Variants in JMJD1C observed in about 807,000 individuals in gnomAD.
JMJD1C encodes jumonji domain-containing protein 1C.
Under a neutral mutation model 245.3 loss-of-function variants are expected in JMJD1C, and 31 were observed. That is an observed-to-expected ratio of 0.13 (90% CI 0.09 to 0.17). The LOEUF is 0.17. Among genes scored for constraint, JMJD1C ranks in the 10% least tolerant of loss-of-function variants. The probability of loss-of-function intolerance (pLI) is 1.00; values close to 1 mark genes in which losing one functional copy is unlikely to be tolerated. For synonymous variants in JMJD1C, 1,057 were observed against 1,017.4 expected, an observed-to-expected ratio of 1.04 and a Z score of -0.74; for missense variants, 2,691 against 3,000.2, an observed-to-expected ratio of 0.90 and a Z score of 2.41.
intron 18 of JMJD1C, 89 bp downstream of exon 18, chr10:63,189,079 C>G: frequency 6.3e-6 from 7 of 1,104,538 alleles, no homozygotes; most frequent in Non-Finnish European, 8.8e-6. Context: ...ATTTTTCCCC[C>G]CTCCATTTCT....
At chr10:63,318,748 A>T (rs1161532854) in intron 2 of JMJD1C, among the ~76,000 whole-genome samples, 2 of 152,092 alleles carry the variant, frequency 1.3e-5, no homozygotes, top group African/African-American at 4.8e-5. Context: ...CAGGGTTAAT[A>T]TGGACATATT....
chr10:63,500,748 G>GATGGATGA (rs140855985), intron 1 of JMJD1C, among the ~76,000 whole-genome samples: 52,468 of 139,328 alleles, frequency 0.38, 9,932 homozygotes, highest in South Asian at 0.48. Context: ...TGGATGGAAG[G>GATGGATGA]ATGGATGGAT....
intron 1 of JMJD1C, among the ~76,000 whole-genome samples, chr10:63,395,651 A>C (rs939816295): frequency 6.6e-6 from 1 of 152,234 alleles, no homozygotes; most frequent in Admixed American, 6.5e-5. Context: ...AAACCTGTAC[A>C]TGAATGTTTA....
chr10:63,223,438 G>C (rs1230086772), intron 3 of JMJD1C, among the ~76,000 whole-genome samples: 2 of 151,982 alleles, frequency 1.3e-5, no homozygotes, highest in Non-Finnish European at 2.9e-5. Flanking sequence ...ATGTTGACCA[G>C]GCTGGTCTCA....
chr10:63,473,253 C>CTT (rs11399465), intron 1 of JMJD1C, among the ~76,000 whole-genome samples: 5 of 149,076 alleles, frequency 3.4e-5, no homozygotes, highest in African/African-American at 9.8e-5. Flanking sequence ...GTTAAAAAAA[C>CTT]TTTTTTTTTT....
chr10:63,218,074 G>C (rs1848197453), intron 4 of JMJD1C, among the ~76,000 whole-genome samples: 1 of 151,944 alleles, frequency 6.6e-6, no homozygotes. Context: ...CTTTAACAAA[G>C]AACTGTAAGG....
In JMJD1C at chr10:63,465,483, TGA is replaced by T. The variant is rs1371654877; in HGVS notation, c.168+10_168+11del. 1.3e-6 allele frequency: 2 copies of T among 1,590,056 alleles called. No individual in the cohort carries two copies. Among genetic ancestry groups the T allele is most frequent in the East Asian group, 2.3e-5 (1 of 44,308 alleles). ...GCGCGGCAGGGGAAAAGGGGGGCGC[TGA>T]CTCTCTTACCGCCAGGTCCGGATTG... On this transcript the variant is annotated intron_variant, in intron 1 of 25. Transcript: ENST00000399262.
chr10:63,221,187 T>C (rs1204759691), intron 3 of JMJD1C, among the ~76,000 whole-genome samples: 1 of 150,780 alleles, frequency 6.6e-6, no homozygotes, highest in African/African-American at 2.4e-5. Flanking sequence ...CTATATCTGA[T>C]GAATAAAAAA....
chr10:63,231,016 G>C (rs1043240397), intron 3 of JMJD1C, among the ~76,000 whole-genome samples: 1 of 152,090 alleles, frequency 6.6e-6, no homozygotes, highest in Non-Finnish European at 1.5e-5. Context: ...AAGTTTTTAA[G>C]TTGTAAGCAG....
At chr10:63,362,355 C>G (rs1028869227) in intron 2 of JMJD1C, among the ~76,000 whole-genome samples, 19 of 151,996 alleles carry the variant, frequency 1.3e-4, no homozygotes, top group African/African-American at 4.1e-4. Flanking sequence ...CTAATAGTAT[C>G]AGGTATTCAG....
chr10:63,393,364 T>C (rs1187416613), intron 1 of JMJD1C, among the ~76,000 whole-genome samples: 1 of 152,172 alleles, frequency 6.6e-6, no homozygotes, highest in Admixed American at 6.5e-5. Flanking sequence ...TGAGAAAGGC[T>C]ACTATTAAAA....
At chr10:63,287,606 G>A (rs542836797) in intron 2 of JMJD1C, among the ~76,000 whole-genome samples, 3 of 152,204 alleles carry the variant, frequency 2.0e-5, no homozygotes, top group Admixed American at 6.5e-5. Context: ...TAATATACAC[G>A]AAAAATTTCA....
chr10:63,236,427 T>C (rs1044646433), intron 3 of JMJD1C, among the ~76,000 whole-genome samples: 2 of 152,194 alleles, frequency 1.3e-5, no homozygotes, highest in African/African-American at 4.8e-5. Context: ...TAAAGCCACA[T>C]GTTAATATTC....
chr10:63,205,093 T>C lies in JMJD1C; in HGVS notation c.5074+1502A>G, dbSNP rs564357724. 5 of 849,954 alleles carry C rather than the reference T, an allele frequency of 5.9e-6. No homozygotes were observed. In the East Asian group the frequency reaches 6.1e-4, roughly 104 times the overall value. 52.7% of individuals were successfully genotyped at this position (849,954 alleles called of 1,614,324 possible). ...CTAGAGTAAAATGATATAGAAACACTTTATAGTGAATATTACTGTTAAGTA... is the reference window on the plus strand; with the variant it reads ...CTAGAGTAAAATGATATAGAAACACCTTATAGTGAATATTACTGTTAAGTA... On this transcript the variant is annotated intron_variant, in intron 10 of 25. Transcript: ENST00000399262.
rs1412996886 is a variant in JMJD1C, at chr10:63,198,367, C to T, written c.5491+146G>A. ...ACCCTCTATAGGAAAGTATCTGTAA[C>T]CTTAAATACATACTGTAAAAAGGTA... On this transcript the variant is annotated intron_variant, in intron 12 of 25. Coordinates refer to ENST00000399262, the MANE Select transcript of JMJD1C (RefSeq NM_032776.3). 6 of 569,614 alleles carry T rather than the reference C, an allele frequency of 1.1e-5. No homozygotes were observed. In the South Asian group the frequency reaches 1.3e-4, roughly 12 times the overall value. 35.3% of individuals were successfully genotyped at this position (569,614 alleles called of 1,614,324 possible).
At position 63,465,582 on chromosome 10, in the gene JMJD1C, G is replaced by A. The variant is rs1032455345; in HGVS notation, c.81C>T (p.Arg27=). Residue 27 remains arginine (R), a synonymous_variant, in exon 1 of 26, where the codon CGC becomes CGT. Transcript: ENST00000399262. ...TTCGCCAGCCGCGTCCGCTCTCCCA[G>A]CGCTCCGAACGTGCCTCGTCGCCGA... ...VAVGDEARSE[R]WESGRGWRSW... 2.5e-6 allele frequency: 4 copies of A among 1,609,230 alleles called. No homozygotes were observed. Among genetic ancestry groups the A allele is most frequent in the Non-Finnish European group, 3.4e-6 (4 of 1,179,814 alleles).
Position 63,208,520 on chromosome 10 carries a change from G to A in JMJD1C, c.3149C>T (p.Ser1050Phe). The A allele has an allele frequency of 1.9e-6, 3 of 1,614,084 alleles. No homozygotes were observed. Among genetic ancestry groups the A allele is most frequent in the Non-Finnish European group, 2.5e-6 (3 of 1,179,978 alleles). ...KGLEGERENY[S>F]RVASSSSSPK... The stretch of plus-strand genomic sequence containing the variant: ...ACTGGAAGATGATGATGCCACTCTG[G>A]AATAATTCTCTCTCTCACCCTCAAG... Residue 1050 changes from serine (S) to phenylalanine (F), a missense_variant, in exon 10 of 26, where the codon TCC becomes TTC. Physicochemically the swap from Ser to Phe is radical, Grantham distance 155. Transcript: ENST00000399262.
At chr10:63,268,488 T>G (rs981114729) in intron 2 of JMJD1C, among the ~76,000 whole-genome samples, 1 of 152,196 alleles carries the variant, frequency 6.6e-6, no homozygotes, top group African/African-American at 2.4e-5. Flanking sequence ...GTTATTAAAT[T>G]ACTACAAACA....
At chr10:63,405,424 G>A (rs10822168) in intron 1 of JMJD1C, among the ~76,000 whole-genome samples, 64,747 of 150,168 alleles carry the variant, frequency 0.43, 14,482 homozygotes, top group South Asian at 0.53. Context: ...AAGCTCAAGC[G>A]ATTCTCATGC....
Sources: gnomAD v4.1 joint callset for allele counts (sites outside exome capture counted in the v4.1 genomes callset) on GRCh38, gnomAD v4.1.1 for gene constraint, MANE v1.5 for transcripts, NCBI Gene and HGNC (gene_info 2026-07-23, HGNC 2026-07-21) for gene names.